The following TUT1 variants were observed in gnomAD, a reference collection of about 807,000 sequenced individuals.
TUT1 encodes the protein speckle targeted PIP5K1A-regulated poly(A) polymerase.
A neutral mutation model predicts 48.8 loss-of-function variants in TUT1; 26 were observed. That is an observed-to-expected ratio of 0.53 (90% CI 0.39 to 0.74). The LOEUF is 0.74. Among genes scored for constraint, TUT1 ranks in the 30% least tolerant of loss-of-function variants. The probability of loss-of-function intolerance (pLI) is 0.00; values close to 1 mark genes in which losing one functional copy is unlikely to be tolerated. For missense variants in TUT1, 1,065 were observed against 1,114.8 expected (o/e 0.96, Z 0.64); for synonymous variants, 470 against 460.8 (o/e 1.02, Z -0.26).
chr11:62,578,564 T>C lies in TUT1; in HGVS notation c.1157A>G (p.Asn386Ser), dbSNP rs993301714. 1.9e-6 allele frequency: 3 copies of C among 1,588,874 alleles called. No homozygotes were observed. Among genetic ancestry groups the C allele is most frequent in the Admixed American group, 1.8e-5 (1 of 56,244 alleles). Residue 386 changes from asparagine (N) to serine (S), a missense_variant, in exon 5 of 9, where the codon AAC (asparagine) becomes AGC (serine). Physicochemically the swap from Asn to Ser is conservative, Grantham distance 46. Transcript: ENST00000476907. ...GTCTCAAAAAAAAGAAAGGTACCGGTTACTGAGGGAGACATCACCGTGGAG... is the reference window on the plus strand; with the variant it reads ...GTCTCAAAAAAAAGAAAGGTACCGGCTACTGAGGGAGACATCACCGTGGAG... ...SGLHGDVSLS[N>S]RLALHNSRFL...
At position 62,577,307 on chromosome 11, in the gene TUT1, G is replaced by A; in HGVS notation, c.1161-16C>T. On this transcript the variant is annotated splice_polypyrimidine_tract_variant and intron_variant, in intron 5 of 8. Transcript: ENST00000476907. ...CAGGGCCAGCCTGGGACAAAGCAGG[G>A]ACAAGGGTGTTAGCGCTTGGGGATG... is the stretch of plus-strand genomic sequence containing the variant. 6.2e-7 allele frequency: 1 copy of A among 1,604,622 alleles called. No individual in the cohort carries two copies. The highest frequency in any genetic ancestry group is 1.7e-5 in the Admixed American group (1 of 58,312).
At chr11:62,584,127 A>T (rs1027128430) in intron 2 of TUT1, among the ~76,000 whole-genome samples, 8 of 133,298 alleles carry the variant, frequency 6.0e-5, no homozygotes, top group Admixed American at 3.0e-4. Context: ...ACTGAATTGT[A>T]TTTTTTTTTT....
chr11:62,588,321 AG>A (rs1378025103), intron 2 of TUT1, among the ~76,000 whole-genome samples: 1 of 152,322 alleles, frequency 6.6e-6, no homozygotes, highest in East Asian at 1.9e-4. Flanking sequence ...GGGGAGGTTG[AG>A]GTGCACGGAT....
rs555050263 is a variant in TUT1 at position 62,575,960 on chromosome 11, G to A, written c.1759C>T (p.Arg587Trp). The change falls in exon 9 of 9, where the codon CGG becomes TGG. Residue 587 changes from arginine (R) to tryptophan (W), a missense_variant. Coordinates refer to ENST00000476907, the MANE Select transcript of TUT1 (RefSeq NM_022830.3). ...AGAAGAGGGAGCAGCCCCCAGTCCC[G>A]ACCCCGGGAGGAACGGCGCTGGTAC... ...LQYQRRSSRGRDWGLLPLLQP... is the reference protein window; with the variant it reads ...LQYQRRSSRGWDWGLLPLLQP... 8 of 1,614,102 alleles carry A rather than the reference G, an allele frequency of 5.0e-6. No individual in the cohort carries two copies. Among genetic ancestry groups the A allele is most frequent in the African/African-American group, 1.3e-5 (1 of 75,056 alleles).
chr11:62,579,101 ACTTCCAGCTTATTCAGCT>A, intron 4 of TUT1, 71 bp from the exon 5 acceptor site: 3 of 1,188,434 alleles, frequency 2.5e-6, no homozygotes, highest in Non-Finnish European at 3.4e-6. Context: ...AGATAATATT[ACTTCCAGCTTATTCAGCT>A]CTATTCTAAG....
At chr11:62,583,546 C>T (rs113824051) in intron 2 of TUT1, among the ~76,000 whole-genome samples, 3 of 151,776 alleles carry the variant, frequency 2.0e-5, no homozygotes, top group African/African-American at 7.3e-5. Context: ...TACTGTGAGC[C>T]GAGATTGTGC....
chr11:62,578,631 C>T lies in TUT1; in HGVS notation c.1090G>A (p.Ala364Thr). The change falls in exon 5 of 9, where the codon GCC (alanine) becomes ACC (threonine). Residue 364 changes from alanine (A) to threonine (T), a missense_variant. By Grantham distance (58) the Ala-to-Thr change is moderately conservative (BLOSUM62 0). Transcript: ENST00000476907. Reference protein sequence around the residue: ...GVYRVQTVPSARRPVVKFCHR... With the variant: ...GVYRVQTVPSTRRPVVKFCHR... ...CAGAACTTGACCACAGGGCGCCGGG[C>T]AGAGGGCACAGTTTGGACTCGATAC... 6.2e-7 allele frequency: 1 copy of T among 1,614,120 alleles called. No homozygotes were observed. Among genetic ancestry groups the T allele is most frequent in the Non-Finnish European group, 8.5e-7 (1 of 1,180,000 alleles).
At position 62,591,478 on chromosome 11, in the gene TUT1, GC is replaced by G. The variant is rs762963360; in HGVS notation, c.7del (p.Ala3ArgfsTer42). On this transcript the variant is annotated frameshift_variant, in exon 1 of 9. Transcript: ENST00000476907. LOFTEE classifies it high-confidence loss of function. MA[A>X]VDSDVESLPR... ...CAGCGATTCGACATCCGAATCCACC[GC>G]CGCCATAGCGACTCTCCTGTACCGA... 1.9e-6 allele frequency: 3 copies of G among 1,610,642 alleles called. No individual in the cohort carries two copies. In the South Asian group the frequency reaches 3.3e-5, roughly 18 times the overall value.
chr11:62,578,972 T>C lies in TUT1; in HGVS notation c.749A>G (p.Asp250Gly). Residue 250 changes from aspartate (D) to glycine (G), a missense_variant, in exon 5 of 9, where the codon GAC (aspartate) becomes GGC (glycine). Physicochemically the swap from Asp to Gly is moderately conservative, Grantham distance 94. Coordinates refer to ENST00000476907, the MANE Select transcript of TUT1 (RefSeq NM_022830.3). ...TGGGGTGCAGGCCAGGGCTTGAGGG[T>C]CCAGTGGGGAAGCCAGGGCCGAGTC... ...SLDSALASPL[D>G]PQALACTPAS... is the part of the protein sequence containing the mutation. 1 of 1,524,784 alleles carries C rather than the reference T, an allele frequency of 6.6e-7. No homozygotes were observed. The highest frequency in any genetic ancestry group is 8.8e-7 in the Non-Finnish European group (1 of 1,138,214). The allele number at this position is 1,524,784 out of a possible 1,614,324, so 94.5% of individuals were successfully genotyped here.
intron 2 of TUT1, chr11:62,582,581 G>A (rs1392036924): frequency 4.4e-6 from 2 of 455,438 alleles, no homozygotes; most frequent in Admixed American, 2.4e-5. Context: ...CAGCCTGAGA[G>A]ACAGCGAGAC....
intron 2 of TUT1, chr11:62,582,717 A>G (rs1007394671): frequency 3.9e-5 from 14 of 358,216 alleles, no homozygotes; most frequent in African/African-American, 2.8e-4. Context: ...ACTCTTCCCA[A>G]TGATGTGATT....
intron 4 of TUT1, 138 bp downstream of exon 4, chr11:62,580,968 A>C: frequency 4.4e-6 from 3 of 683,302 alleles, no homozygotes; most frequent in Non-Finnish European, 7.8e-6. Flanking sequence ...CTCCAATTAC[A>C]ATAAACTCTT....
At chr11:62,586,863 C>T (rs1469056363) in intron 2 of TUT1, among the ~76,000 whole-genome samples, 1 of 151,204 alleles carries the variant, frequency 6.6e-6, no homozygotes, top group South Asian at 2.1e-4. Flanking sequence ...TGCCACCACA[C>T]CCAGCTAATT....
At chr11:62,584,592 A>C (rs1056932486) in intron 2 of TUT1, among the ~76,000 whole-genome samples, 1 of 149,938 alleles carries the variant, frequency 6.7e-6, no homozygotes, top group Non-Finnish European at 1.5e-5. Flanking sequence ...ATAGGTGCCC[A>C]CCACCACACC....
chr11:62,575,167 G>A lies in TUT1; in HGVS notation c.2552C>T (p.Pro851Leu). The part of the protein sequence containing the change: ...RMLTVTPLQD[P>L]QGLFPDLHHF... ...ATGGAGATCAGGGAACAGGCCTTGGGGATCCTGGAGCGGGGTCACAGTGAG... is the reference window on the plus strand; with the variant it reads ...ATGGAGATCAGGGAACAGGCCTTGGAGATCCTGGAGCGGGGTCACAGTGAG... The change falls in exon 9 of 9, where the codon CCC (proline) becomes CTC (leucine). Residue 851 changes from proline (P) to leucine (L), a missense_variant. By Grantham distance (98) the Pro-to-Leu change is moderately conservative. Coordinates refer to ENST00000476907, the MANE Select transcript of TUT1 (RefSeq NM_022830.3). 1 of 1,607,584 alleles carries A rather than the reference G, an allele frequency of 6.2e-7. No individual in the cohort carries two copies. Among genetic ancestry groups the A allele is most frequent in the Non-Finnish European group, 8.5e-7 (1 of 1,174,996 alleles).
rs370905346 is a variant in TUT1 at position 62,582,910 on chromosome 11, C to T, written c.274-1209G>A. On this transcript the variant is annotated intron_variant, in intron 2 of 8. Coordinates refer to ENST00000476907, the MANE Select transcript of TUT1 (RefSeq NM_022830.3). ...TTAGGAGGCCGAGGTGGGTGGATCA[C>T]GAGGTCAGGAGATAGAGACCATCCT... Among the ~76,000 whole-genome samples, 27 of 151,942 alleles carry T rather than the reference C, an allele frequency of 1.8e-4. No homozygotes were observed. In the East Asian group the frequency reaches 5.1e-3, roughly 28 times the overall value.
chr11:62,575,836 C>G lies in TUT1; in HGVS notation c.1883G>C (p.Arg628Thr). Reference sequence around the variant, plus strand: ...TTCTATATGGCACCCCAGTGCTTCCCTGAATACCTGCACCAGGGCAGCAGT... The same window carrying G: ...TTCTATATGGCACCCCAGTGCTTCCGTGAATACCTGCACCAGGGCAGCAGT... ...QLTAALVQVF[R>T]EALGCHIEQA... Residue 628 changes from arginine (R) to threonine (T), a missense_variant, in exon 9 of 9, where the codon AGG (arginine) becomes ACG (threonine). Transcript: ENST00000476907. 1 of 1,614,200 alleles carries G rather than the reference C, an allele frequency of 6.2e-7. No individual in the cohort carries two copies. The highest frequency in any genetic ancestry group is 8.5e-7 in the Non-Finnish European group (1 of 1,180,046).
rs1163270736 is a variant in TUT1 at position 62,591,443 on chromosome 11, C to T, written c.43G>A (p.Gly15Arg). 6.2e-7 allele frequency: 1 copy of T among 1,609,392 alleles called. No individual in the cohort carries two copies. Among genetic ancestry groups the T allele is most frequent in the Admixed American group, 1.7e-5 (1 of 59,418 alleles). Reference sequence around the variant, plus strand: ...ACGTGGCAGAGGCAGCAGCGGAACCCCCCACGCGGCAGCGATTCGACATCC... The same window carrying T: ...ACGTGGCAGAGGCAGCAGCGGAACCTCCCACGCGGCAGCGATTCGACATCC... ...DSDVESLPRGGFRCCLCHVTT... is the reference protein window; with the variant it reads ...DSDVESLPRGRFRCCLCHVTT... The change falls in exon 1 of 9, where the codon GGG (glycine) becomes AGG (arginine). Residue 15 changes from glycine to arginine, a missense_variant. Transcript: ENST00000476907.
intron 2 of TUT1, among the ~76,000 whole-genome samples, chr11:62,583,874 C>G (rs965439538): frequency 1.3e-5 from 2 of 152,170 alleles, no homozygotes; most frequent in African/African-American, 4.8e-5. Flanking sequence ...GGGGAAAGAA[C>G]AGTCTTGTCA....
Sources: gnomAD v4.1 joint callset for allele counts (sites outside exome capture counted in the v4.1 genomes callset) on GRCh38, gnomAD v4.1.1 for gene constraint, MANE v1.5 for transcripts, NCBI Gene and HGNC (gene_info 2026-07-23, HGNC 2026-07-21) for gene names.